Variants in OSBPL2 observed in about 807,000 individuals in gnomAD.
The protein encoded by OSBPL2 is oxysterol binding protein like 2, also known as oxysterol-binding protein-related protein 2.
A neutral mutation model predicts 58.4 loss-of-function variants in OSBPL2; 18 were observed. The ratio of observed to expected loss-of-function variants is 0.31; its 90% confidence interval spans 0.21 to 0.46. The LOEUF (loss-of-function observed/expected upper bound fraction) is 0.46, where lower values mean the gene tolerates loss of function less well. Ranked by LOEUF, OSBPL2 falls within the 20% of genes least tolerant of loss-of-function variation. OSBPL2 has a pLI of 1.00. For missense variants in OSBPL2, 461 were observed against 616.5 expected, an observed-to-expected ratio of 0.75 and a Z score of 2.67; for synonymous variants, 221 against 234.1, an observed-to-expected ratio of 0.94 and a Z score of 0.51.
intron 4 of OSBPL2, among the ~76,000 whole-genome samples, chr20:62,271,923 T>C (rs1982087564): frequency 1.3e-5 from 2 of 152,116 alleles, no homozygotes; most frequent in East Asian, 3.9e-4. Flanking sequence ...TCAGCACAGA[T>C]TGTGTGTCAG....
At chr20:62,240,741 G>T (rs185790544) in intron 1 of OSBPL2, among the ~76,000 whole-genome samples, 91 of 152,306 alleles carry the variant, frequency 6.0e-4, no homozygotes, top group African/African-American at 2.0e-3. Context: ...AGAACTAATA[G>T]ACTTTCTTTT....
At chr20:62,277,095 C>T (rs559113825) in intron 6 of OSBPL2, among the ~76,000 whole-genome samples, 37 of 151,152 alleles carry the variant, frequency 2.4e-4, no homozygotes, top group African/African-American at 8.7e-4. Context: ...CTAAAAAATA[C>T]AAAAAATTAG....
Position 62,288,409 on chromosome 20 carries a change from G to A in OSBPL2, c.1126-798G>A, listed in dbSNP as rs62204487. On this transcript the variant is annotated intron_variant, in intron 11 of 13. Coordinates refer to ENST00000313733, the MANE Select transcript of OSBPL2 (RefSeq NM_144498.4). The surrounding 1 kb of genome is among the most constrained non-coding windows in gnomAD (Gnocchi z 4.8). ...CTGTGGGTGCAGAGGCTGGGAGGCT[G>A]TGGGTGCAGAGGCTGGGAGGCTATG... 5.0e-4 allele frequency among the ~76,000 whole-genome samples: 72 copies of A among 145,034 alleles called. No individual in the cohort carries two copies. Among genetic ancestry groups the A allele is most frequent in the African/African-American group, 5.7e-4 (23 of 40,338 alleles).
At chr20:62,291,287 C>T (rs1238586012) in intron 12 of OSBPL2, 9 of 289,590 alleles carry the variant, frequency 3.1e-5, no homozygotes, top group South Asian at 1.9e-4. Flanking sequence ...GGCAGTTACC[C>T]GGGAAGGTCA....
chr20:62,273,525 A>G, intron 6 of OSBPL2, 119 bp downstream of exon 6: 1 of 839,708 alleles, frequency 1.2e-6, no homozygotes, highest in East Asian at 2.6e-5. Context: ...GTTTGAATTA[A>G]GAGCTCACGA....
Position 62,286,671 on chromosome 20 carries a change from T to C in OSBPL2, c.1085T>C (p.Leu362Pro). ...GTGCAGGTCATTCCTGGCAGCAAGC[T>C]GCTCTGGAGGATCAACACCCGGCCC... The part of the protein sequence containing the change: ...ETVQVIPGSK[L>P]LWRINTRPPN... Residue 362 changes from leucine (L) to proline (P), a missense_variant, in exon 11 of 14, where the codon CTG (leucine) becomes CCG (proline). By Grantham distance (98) the Leu-to-Pro change is moderately conservative. Around this residue, in one of 5 missense-constraint regions of OSBPL2, gnomAD observed 319 missense variants for 419.2 expected, o/e 0.76. Transcript: ENST00000313733. 6.2e-7 allele frequency: 1 copy of C among 1,613,636 alleles called. No individual in the cohort carries two copies. Among genetic ancestry groups the C allele is most frequent in the Non-Finnish European group, 8.5e-7 (1 of 1,179,824 alleles).
chr20:62,241,030 T>G (rs1459631391), intron 1 of OSBPL2, among the ~76,000 whole-genome samples: 1 of 152,166 alleles, frequency 6.6e-6, no homozygotes, highest in South Asian at 2.1e-4. Flanking sequence ...CTTCCACGCC[T>G]CGAGTGCGTT....
intron 1 of OSBPL2, among the ~76,000 whole-genome samples, chr20:62,245,181 C>CTCCGCCTCATGGGTTCAAGTG (rs1255347523): frequency 6.6e-6 from 1 of 152,084 alleles, no homozygotes; most frequent in Non-Finnish European, 1.5e-5. Context: ...TCACTGCAAC[C>CTCCGCCTCATGGGTTCAAGTG]TCCGCCTCAT....
chr20:62,251,865 CT>C (rs147891445), intron 1 of OSBPL2, among the ~76,000 whole-genome samples: 13 of 41,760 alleles, frequency 3.1e-4, no homozygotes, highest in African/African-American at 1.2e-3. Context: ...ATTGGTATGC[CT>C]TTTTTTTTTT....
intron 7 of OSBPL2, among the ~76,000 whole-genome samples, chr20:62,280,559 CT>C (rs1292016524): frequency 1.3e-5 from 2 of 152,246 alleles, no homozygotes; most frequent in African/African-American, 4.8e-5. Flanking sequence ...GAACATAGGG[CT>C]GCTGATCTGC....
chr20:62,287,687 C>T (rs1338632372), intron 11 of OSBPL2, among the ~76,000 whole-genome samples: 2 of 152,188 alleles, frequency 1.3e-5, no homozygotes, highest in East Asian at 3.8e-4. Flanking sequence ...AACTCCTGGC[C>T]TCAAGCATTA....
chr20:62,264,685 C>T (rs6061474), intron 4 of OSBPL2: 127,695 of 152,142 alleles, frequency 0.84, 54,617 homozygotes, highest in East Asian at 0.98. Flanking sequence ...CCACCCAGCT[C>T]CCCTGATGCC....
At chr20:62,265,941 T>G (rs1568837645) in intron 4 of OSBPL2, among the ~76,000 whole-genome samples, 1 of 151,960 alleles carries the variant, frequency 6.6e-6, no homozygotes, top group Non-Finnish European at 1.5e-5. Flanking sequence ...GGCAACATAG[T>G]GAGACCCCAA....
At chr20:62,289,629 C>T (rs181930142) in intron 12 of OSBPL2, among the ~76,000 whole-genome samples, 33 of 152,218 alleles carry the variant, frequency 2.2e-4, no homozygotes, top group African/African-American at 5.3e-4. Flanking sequence ...CTAGGCCGAG[C>T]GCGGTGGCTC....
chr20:62,278,416 TTG>T, intron 6 of OSBPL2: 2 of 149,902 alleles, frequency 1.3e-5, no homozygotes, highest in South Asian at 1.1e-4. Flanking sequence ...GATGTCATGT[TTG>T]TGTGTGTGTT....
At chr20:62,263,875 C>T (rs549898907) in intron 4 of OSBPL2, among the ~76,000 whole-genome samples, 184 bp downstream of exon 4, 50 of 152,130 alleles carry the variant, frequency 3.3e-4, no homozygotes, top group Non-Finnish European at 5.6e-4. Context: ...ACCATCCTGG[C>T]TAACACAGTG....
chr20:62,240,795 A>G (rs1316037473), intron 1 of OSBPL2, among the ~76,000 whole-genome samples: 3 of 152,228 alleles, frequency 2.0e-5, no homozygotes, highest in African/African-American at 7.2e-5. Context: ...TTTTTCTGAA[A>G]TAAAGTAATT....
At chr20:62,249,771 C>T (rs1036830037) in intron 1 of OSBPL2, among the ~76,000 whole-genome samples, 1 of 152,116 alleles carries the variant, frequency 6.6e-6, no homozygotes, top group Non-Finnish European at 1.5e-5. Context: ...AAGGGGTATT[C>T]TCCATGTTGG....
intron 4 of OSBPL2, among the ~76,000 whole-genome samples, chr20:62,266,814 T>C (rs1981697833): frequency 6.6e-6 from 1 of 152,240 alleles, no homozygotes; most frequent in African/African-American, 2.4e-5. Flanking sequence ...CTTTAGAAAG[T>C]CATTTAATAT....
Sources: allele counts gnomAD v4.1 joint callset (sites outside exome capture counted in the v4.1 genomes callset), GRCh38; gene constraint gnomAD v4.1.1; regional missense constraint gnomAD v4.1.1; non-coding constraint Gnocchi (gnomAD v3.1); transcripts MANE v1.5; gene names NCBI Gene and HGNC (gene_info 2026-07-23, HGNC 2026-07-21).